Variants in PPARGC1A observed in about 807,000 individuals in gnomAD.
PPARGC1A encodes peroxisome proliferator-activated receptor gamma coactivator 1-alpha.
PPARGC1A carries 25 observed loss-of-function variants against 88.7 expected under a neutral mutation model. That is an observed-to-expected ratio of 0.28 (90% CI 0.21 to 0.39). The LOEUF (loss-of-function observed/expected upper bound fraction) is 0.39, where lower values mean the gene tolerates loss of function less well. Ranked by LOEUF, PPARGC1A falls within the 10% of genes least tolerant of loss-of-function variation. The probability of loss-of-function intolerance (pLI) is 1.00; values close to 1 mark genes in which losing one functional copy is unlikely to be tolerated. For synonymous variants in PPARGC1A, 363 were observed against 355.6 expected (o/e 1.02, Z -0.24); for missense variants, 880 against 968.7 (o/e 0.91, Z 1.22).
At chr4:24,252,318 A>G in the PPARGC1A span, among the ~76,000 whole-genome samples, 1 of 152,166 alleles carries the variant, frequency 6.6e-6, no homozygotes, top group African/African-American at 2.4e-5. Context: ...AAGGACCAGG[A>G]ATCACTGGAG....
At chr4:24,296,028 G>A in the PPARGC1A span, among the ~76,000 whole-genome samples, 15 of 134,760 alleles carry the variant, frequency 1.1e-4, no homozygotes, top group African/African-American at 2.5e-4. Flanking sequence ...ATGTATATGT[G>A]TGTATATATG....
At chr4:23,835,129 T>C (rs1725769036) in intron 2 of PPARGC1A, among the ~76,000 whole-genome samples, 1 of 152,206 alleles carries the variant, frequency 6.6e-6, no homozygotes. Flanking sequence ...TACTATGATG[T>C]AAATTTTGTG....
At chr4:24,064,367 C>G in the PPARGC1A span, among the ~76,000 whole-genome samples, 1 of 152,012 alleles carries the variant, frequency 6.6e-6, no homozygotes, top group Non-Finnish European at 1.5e-5. Context: ...CCAGTGGGGC[C>G]CACTGGATAC....
the PPARGC1A span, among the ~76,000 whole-genome samples, chr4:24,430,330 C>T: frequency 6.8e-6 from 1 of 147,922 alleles, no homozygotes; most frequent in African/African-American, 2.5e-5. Flanking sequence ...GCGATCTCAG[C>T]TCACTGCAAC....
chr4:24,277,153 T>G, the PPARGC1A span, among the ~76,000 whole-genome samples: 10 of 152,120 alleles, frequency 6.6e-5, no homozygotes, highest in African/African-American at 9.7e-5. Flanking sequence ...AGTGCAGTGG[T>G]GTGCTCACAG....
At chr4:24,139,708 T>C in the PPARGC1A span, among the ~76,000 whole-genome samples, 5 of 152,052 alleles carry the variant, frequency 3.3e-5, no homozygotes, top group African/African-American at 1.2e-4. Flanking sequence ...TGCGTGCCCT[T>C]GTATGAGGGT....
At chr4:24,441,240 CA>C in the PPARGC1A span, among the ~76,000 whole-genome samples, 2 of 152,166 alleles carry the variant, frequency 1.3e-5, no homozygotes, top group African/African-American at 4.8e-5. Flanking sequence ...AGAAGTATTC[CA>C]CCCTAGCAGG....
At chr4:24,069,564 C>T in the PPARGC1A span, among the ~76,000 whole-genome samples, 7 of 152,176 alleles carry the variant, frequency 4.6e-5, no homozygotes, top group African/African-American at 7.2e-5. Context: ...TTTCCAACAA[C>T]ACTGCATGTT....
the PPARGC1A span, among the ~76,000 whole-genome samples, chr4:24,016,608 T>C: frequency 2.6e-5 from 4 of 152,130 alleles, no homozygotes; most frequent in Admixed American, 6.5e-5. Context: ...CATGATACCA[T>C]GAAAGATCCT....
At chr4:24,303,783 A>G in the PPARGC1A span, among the ~76,000 whole-genome samples, 1 of 152,208 alleles carries the variant, frequency 6.6e-6, no homozygotes, top group African/African-American at 2.4e-5. Flanking sequence ...TGTACAAAAG[A>G]AGAAGAAAAA....
the PPARGC1A span, among the ~76,000 whole-genome samples, chr4:24,165,298 C>T: frequency 6.6e-6 from 1 of 151,986 alleles, no homozygotes. Context: ...TGTGACAAGG[C>T]ACACTATATG....
chr4:24,070,214 T>C, the PPARGC1A span, among the ~76,000 whole-genome samples: 3 of 152,216 alleles, frequency 2.0e-5, no homozygotes. Flanking sequence ...CATTCTTCTC[T>C]TCACTGGGCC....
the PPARGC1A span, among the ~76,000 whole-genome samples, chr4:24,266,326 G>GA: frequency 6.6e-6 from 1 of 152,096 alleles, no homozygotes; most frequent in Non-Finnish European, 1.5e-5. Flanking sequence ...GTTGTAGGAG[G>GA]AAAAATGCAG....
the PPARGC1A span, among the ~76,000 whole-genome samples, chr4:24,048,725 T>G: frequency 6.6e-6 from 1 of 152,192 alleles, no homozygotes; most frequent in Admixed American, 6.5e-5. Context: ...AAATTTTGCT[T>G]AGCTATTCTT....
the PPARGC1A span, among the ~76,000 whole-genome samples, chr4:24,435,507 C>T: frequency 6.6e-6 from 1 of 152,094 alleles, no homozygotes; most frequent in Admixed American, 6.5e-5. Flanking sequence ...GGAAGCTCTC[C>T]CCAAGGCTCT....
the PPARGC1A span, among the ~76,000 whole-genome samples, chr4:24,072,768 C>A: frequency 1.3e-5 from 2 of 152,134 alleles, no homozygotes; most frequent in Non-Finnish European, 2.9e-5. Flanking sequence ...AATGGAAATA[C>A]AAATGCAGGC....
chr4:23,870,743 T>C (rs1378711918), intron 2 of PPARGC1A, among the ~76,000 whole-genome samples: 1 of 152,200 alleles, frequency 6.6e-6, no homozygotes, highest in African/African-American at 2.4e-5. Flanking sequence ...AACAGTGTAC[T>C]TCTCACCTAT....
At chr4:24,019,614 A>T in the PPARGC1A span, among the ~76,000 whole-genome samples, 989 of 152,310 alleles carry the variant, frequency 6.5e-3, 9 homozygotes, top group South Asian at 0.03. Context: ...TTTTCCCAGC[A>T]CTGTCCAGAA....
chr4:24,219,964 G>A, the PPARGC1A span, among the ~76,000 whole-genome samples: 1 of 152,020 alleles, frequency 6.6e-6, no homozygotes, highest in South Asian at 2.1e-4. Flanking sequence ...TCTCTCCTTA[G>A]GAATAAGTCA....
Sources: gnomAD v4.1 joint callset for allele counts (sites outside exome capture counted in the v4.1 genomes callset) on GRCh38, gnomAD v4.1.1 for gene constraint, MANE v1.5 for transcripts, NCBI Gene and HGNC (gene_info 2026-07-23, HGNC 2026-07-21) for gene names.